The following DHPS variants were observed in gnomAD, a reference collection of about 807,000 sequenced individuals.
DHPS encodes deoxyhypusine synthase.
In DHPS, 24 loss-of-function variants were observed where a neutral mutation model predicts 38.7. The ratio of observed to expected loss-of-function variants is 0.62; its 90% CI spans 0.45 to 0.87. The LOEUF (loss-of-function observed/expected upper bound fraction) is 0.87, where lower values mean the gene tolerates loss of function less well. DHPS is among the 40% of genes least tolerant of loss of function. The pLI, the probability that DHPS is intolerant of heterozygous loss-of-function variation, is 0.00. For missense variants in DHPS, 510 were observed against 497.6 expected (o/e 1.02, Z -0.24); for synonymous variants, 250 against 204.4 (o/e 1.22, Z -1.90).
downstream of DHPS, among the ~76,000 whole-genome samples, chr19:12,674,843 T>C (rs1378363494): frequency 6.6e-6 from 1 of 152,132 alleles, no homozygotes; most frequent in African/African-American, 2.4e-5. Flanking sequence ...CGGCCAGGCA[T>C]GGTGGTTCAC....
rs2024742489 is a variant in DHPS at position 12,679,909 on chromosome 19, ACCAATACGT to A, written c.377_385del (p.Asp126_Leu128del). On this transcript the variant is annotated inframe_deletion, in exon 3 of 9. Transcript: ENST00000210060. The stretch of plus-strand genomic sequence containing the variant: ...TTCCTCCACGCCGCCAGCTGTGGTC[ACCAATACGT>A]CCACCTGCAGCCACAAGGCAGTGAA... 1 of 1,613,214 alleles carries A rather than the reference ACCAATACGT, an allele frequency of 6.2e-7. No homozygotes were observed. Among genetic ancestry groups the A allele is most frequent in the South Asian group, 1.1e-5 (1 of 90,974 alleles).
downstream of DHPS, chr19:12,675,516 T>G: frequency 6.2e-7 from 1 of 1,602,960 alleles, no homozygotes; most frequent in East Asian, 2.2e-5. Flanking sequence ...TACCCCTCGC[T>G]CCACAGGGTG....
chr19:12,677,461 C>G, intron 5 of DHPS, 65 bp from the exon 6 acceptor site: 2 of 1,389,644 alleles, frequency 1.4e-6, no homozygotes, highest in East Asian at 2.4e-5. Flanking sequence ...GGCTATATGA[C>G]TATCTGACTG....
downstream of DHPS, chr19:12,672,751 C>T: frequency 7.8e-7 from 1 of 1,285,448 alleles, no homozygotes; most frequent in Non-Finnish European, 1.1e-6. Context: ...CTCCTGTGCA[C>T]TGGAAGAGCA....
Position 12,679,538 on chromosome 19 carries a change from T to C in DHPS, c.597A>G (p.Val199=), listed in dbSNP as rs1401865256. 1.9e-6 allele frequency: 3 copies of C among 1,614,162 alleles called. No individual in the cohort carries two copies. Among genetic ancestry groups the C allele is most frequent in the Admixed American group, 1.7e-5 (1 of 60,016 alleles). Residue 199 remains valine, a synonymous_variant, in exon 5 of 9, where the codon GTA becomes GTG. Coordinates refer to ENST00000210060, the MANE Select transcript of DHPS (RefSeq NM_001930.4). Reference sequence around the variant, plus strand: ...CGATCATCTTAGAAGGCGTCCACTTTACACCCTAGGAGAGGATGTGACCTT... The same window carrying C: ...CGATCATCTTAGAAGGCGTCCACTTCACACCCTAGGAGAGGATGTGACCTT... ...QMVMEQNTEG[V]KWTPSKMIAR...
At chr19:12,678,155 T>C (rs34635891) in intron 5 of DHPS, among the ~76,000 whole-genome samples, 136,650 of 151,642 alleles carry the variant, frequency 0.9, 61,993 homozygotes, top group Middle Eastern at 0.96. Context: ...GGGAACTTGA[T>C]GCTGAGGCAG....
At position 12,681,547 on chromosome 19, in the gene DHPS, G is replaced by A. The variant is rs1599386839; in HGVS notation, c.207+13C>T. The A allele has an allele frequency of 6.2e-7, 1 of 1,614,030 alleles. No individual in the cohort carries two copies. Among genetic ancestry groups the A allele is most frequent in the Admixed American group, 1.7e-5 (1 of 60,012 alleles). ...GCCCCTCCGCGTCCCTAGAAATTCC[G>A]CCCGGTCCTCACCATGGCATTGACT... is the stretch of plus-strand genomic sequence containing the variant. On this transcript the variant is annotated intron_variant, in intron 1 of 8. Transcript: ENST00000210060.
At position 12,680,300 on chromosome 19, in the gene DHPS, G is replaced by A; in HGVS notation, c.233C>T (p.Ser78Leu). The A allele has an allele frequency of 1.9e-6, 3 of 1,614,178 alleles. No individual in the cohort carries two copies. Among genetic ancestry groups the A allele is most frequent in the Non-Finnish European group, 2.5e-6 (3 of 1,180,034 alleles). Residue 78 changes from serine (S) to leucine (L), a missense_variant, in exon 2 of 9, where the codon TCA becomes TTA. Physicochemically the swap from Ser to Leu is moderately radical, Grantham distance 145. Coordinates refer to ENST00000210060, the MANE Select transcript of DHPS (RefSeq NM_001930.4). ...AMIEKKLEPL[S>L]QDEDQHADLT... ...GTCCGCGTGCTGGTCTTCATCCTGT[G>A]ACAGTGGTTCCAGCTTCTTCTCGAT...
chr19:12,675,227 G>C (rs1011516597), downstream of DHPS, among the ~76,000 whole-genome samples: 2 of 152,176 alleles, frequency 1.3e-5, no homozygotes, highest in African/African-American at 2.4e-5. Context: ...AGGAGTTCGA[G>C]ACCAGCCTGG....
chr19:12,678,188 G>A (rs1398477264), intron 5 of DHPS, among the ~76,000 whole-genome samples: 1 of 151,342 alleles, frequency 6.6e-6, no homozygotes, highest in Non-Finnish European at 1.5e-5. Flanking sequence ...AACCCAGGAG[G>A]TAGAGGTTGC....
intron 7 of DHPS, 65 bp from the exon 8 acceptor site, chr19:12,676,207 G>A: frequency 6.6e-7 from 1 of 1,525,608 alleles, no homozygotes; most frequent in Non-Finnish European, 8.8e-7. Flanking sequence ...ACAGAGGGAG[G>A]ACACCGTAGC....
chr19:12,675,680 G>A, downstream of DHPS: 1 of 1,599,746 alleles, frequency 6.3e-7, no homozygotes, highest in Non-Finnish European at 8.5e-7. Flanking sequence ...TGAAGCCAGG[G>A]GACCCACCAA....
At chr19:12,676,421 C>G in intron 7 of DHPS, 1 of 425,054 alleles carries the variant, frequency 2.4e-6, no homozygotes, top group South Asian at 2.7e-5. Flanking sequence ...AGAAGCCCTC[C>G]AAATCCAACC....
rs2024609134 is a variant in DHPS at position 12,676,918 on chromosome 19, T to C, written c.888+190A>G. The C allele has an allele frequency of 5.0e-6, 3 of 602,558 alleles. No individual in the cohort carries two copies. In the South Asian group the frequency reaches 5.6e-5, roughly 11 times the overall value. The allele number at this position is 602,558 out of a possible 1,614,324, so 37.3% of individuals were successfully genotyped here. A position where few individuals can be genotyped will look rare whatever the true frequency, so the allele number is the denominator to read the frequency against. On this transcript the variant is annotated intron_variant, in intron 7 of 8. Transcript: ENST00000210060. ...ACCCCTTTCTCTTCTCATGCCATCATTTAGTATTCCCCGTAGCAATGACTG... is the reference window on the plus strand; with the variant it reads ...ACCCCTTTCTCTTCTCATGCCATCACTTAGTATTCCCCGTAGCAATGACTG...
At position 12,681,850 on chromosome 19, in the gene DHPS, C is replaced by G; in HGVS notation, c.-84G>C. ...GAAACGCGTTAAACCCCGACGCGCG[C>G]GTCTCCGCAAGAGCACAGGAAGTAG... On this transcript the variant is annotated 5_prime_UTR_variant, in exon 1 of 9. Transcript: ENST00000210060. 1 of 1,238,828 alleles carries G rather than the reference C, an allele frequency of 8.1e-7. No individual in the cohort carries two copies. The highest frequency in any genetic ancestry group is 1.1e-6 in the Non-Finnish European group (1 of 877,762). The allele number at this position is 1,238,828 out of a possible 1,614,324, so 76.7% of individuals were successfully genotyped here. A position where few individuals can be genotyped will look rare whatever the true frequency, so the allele number is the denominator to read the frequency against.
At chr19:12,677,821 T>C (rs1166075255) in intron 5 of DHPS, among the ~76,000 whole-genome samples, 1 of 151,874 alleles carries the variant, frequency 6.6e-6, no homozygotes, top group Admixed American at 6.5e-5. Flanking sequence ...TTTGTTTTTT[T>C]AGTAGAGACA....
downstream of DHPS, among the ~76,000 whole-genome samples, chr19:12,675,227 G>A (rs1011516597): frequency 5.3e-5 from 8 of 152,176 alleles, no homozygotes; most frequent in African/African-American, 1.9e-4. Context: ...AGGAGTTCGA[G>A]ACCAGCCTGG....
chr19:12,674,982 C>T (rs568104435), downstream of DHPS, among the ~76,000 whole-genome samples: 114 of 152,000 alleles, frequency 7.5e-4, 1 homozygote, highest in African/African-American at 4.1e-4. Flanking sequence ...GGCATGGTAG[C>T]GCGTGCCTGT....
chr19:12,676,269 C>T (rs767844780), intron 7 of DHPS, 127 bp from the exon 8 acceptor site: 10 of 1,201,168 alleles, frequency 8.3e-6, no homozygotes, highest in South Asian at 7.9e-5. Flanking sequence ...CACAGACATT[C>T]GCTCCCAGAC....
Sources: gnomAD v4.1 joint callset for allele counts (sites outside exome capture counted in the v4.1 genomes callset) on GRCh38, gnomAD v4.1.1 for gene constraint, MANE v1.5 for transcripts, NCBI Gene and HGNC (gene_info 2026-07-23, HGNC 2026-07-21) for gene names.